Variants in LYRM4 observed in about 807,000 individuals in gnomAD.
LYRM4 encodes LYR motif containing 4.
LYRM4 carries 9 observed loss-of-function variants against 11.7 expected under a neutral mutation model. That is an observed-to-expected ratio of 0.77 (90% CI 0.46 to 1.34). The LOEUF is 1.34. Among genes scored for constraint, LYRM4 ranks in the 40% most tolerant of loss-of-function variants. The probability of loss-of-function intolerance (pLI) is 0.00; values close to 1 mark genes in which losing one functional copy is unlikely to be tolerated. For synonymous variants in LYRM4, 42 were observed against 40.4 expected, an observed-to-expected ratio of 1.04 and a Z score of -0.15; for missense variants, 133 against 112.5, an observed-to-expected ratio of 1.18 and a Z score of -0.82.
chr6:5,253,951 G>A (rs940190931), intron 1 of LYRM4, among the ~76,000 whole-genome samples: 4 of 152,118 alleles, frequency 2.6e-5, no homozygotes, highest in African/African-American at 4.8e-5. Flanking sequence ...GTGACAACTG[G>A]TGATGACCAG....
the LYRM4 span, among the ~76,000 whole-genome samples, chr6:5,098,224 T>A: frequency 6.6e-6 from 1 of 152,188 alleles, no homozygotes; most frequent in Non-Finnish European, 1.5e-5. Flanking sequence ...TCCACACATG[T>A]AAGGAAATGG....
chr6:5,234,881 C>T (rs1357488255), intron 1 of LYRM4, among the ~76,000 whole-genome samples: 3 of 152,148 alleles, frequency 2.0e-5, no homozygotes, highest in Non-Finnish European at 2.9e-5. Context: ...AAGCAAAATT[C>T]GGTTTCTACC....
At chr6:5,246,025 CTTCT>C (rs1168778663) in intron 1 of LYRM4, among the ~76,000 whole-genome samples, 1 of 152,136 alleles carries the variant, frequency 6.6e-6, no homozygotes, top group Non-Finnish European at 1.5e-5. Flanking sequence ...CCTTATTCTT[CTTCT>C]TTCCTTTAAA....
the LYRM4 span, chr6:5,054,400 C>G: frequency 6.5e-6 from 1 of 153,734 alleles, no homozygotes; most frequent in African/African-American, 2.4e-5. Flanking sequence ...AACTGTCCTG[C>G]TCCAGTGTGC....
the LYRM4 span, among the ~76,000 whole-genome samples, chr6:5,073,420 C>T: frequency 6.6e-6 from 1 of 150,488 alleles, no homozygotes; most frequent in Non-Finnish European, 1.5e-5. Context: ...TCTATCAGAG[C>T]TGCACCAGAG....
At chr6:5,118,094 A>ATATATATATTTTTTTT in intron 2 of LYRM4, among the ~76,000 whole-genome samples, 3,371 of 82,948 alleles carry the variant, frequency 0.041, 106 homozygotes, top group East Asian at 0.13. Flanking sequence ...ATATATATAT[A>ATATATATATTTTTTTT]TTTTTGTTTT....
At chr6:5,078,860 T>G in the LYRM4 span, among the ~76,000 whole-genome samples, 2 of 152,240 alleles carry the variant, frequency 1.3e-5, no homozygotes, top group Non-Finnish European at 2.9e-5. Context: ...TTAAGCAAGC[T>G]AATCTCTTTC....
chr6:5,100,973 C>A (rs1242737343), downstream of LYRM4, among the ~76,000 whole-genome samples: 2 of 152,204 alleles, frequency 1.3e-5, no homozygotes, highest in Non-Finnish European at 2.9e-5. Flanking sequence ...CTGCCAGCCC[C>A]TAGTCCCCTT....
chr6:5,046,534 A>G, the LYRM4 span, among the ~76,000 whole-genome samples: 4 of 152,266 alleles, frequency 2.6e-5, no homozygotes, highest in South Asian at 8.3e-4. Flanking sequence ...GACGTCCCAC[A>G]TGGCTTCTTT....
At chr6:5,087,179 T>C in the LYRM4 span, 1 of 152,220 alleles carries the variant, frequency 6.6e-6, no homozygotes, top group Non-Finnish European at 1.5e-5. Context: ...TGCGACATTG[T>C]GTACAAATGT....
At chr6:5,156,475 A>G (rs562723541) in intron 2 of LYRM4, among the ~76,000 whole-genome samples, 1 of 152,346 alleles carries the variant, frequency 6.6e-6, no homozygotes. Flanking sequence ...ATCCACTGGT[A>G]GCAGAAAGAA....
chr6:5,055,815 G>A, the LYRM4 span, among the ~76,000 whole-genome samples: 1 of 152,144 alleles, frequency 6.6e-6, no homozygotes, highest in Non-Finnish European at 1.5e-5. This position sits in a 1 kb window ranked among gnomAD's most constrained non-coding sequence, Gnocchi z 4.5. Flanking sequence ...GAGAGACAGG[G>A]CCAAAGGGAC....
chr6:5,061,050 C>T, the LYRM4 span, among the ~76,000 whole-genome samples: 2 of 152,160 alleles, frequency 1.3e-5, no homozygotes, highest in African/African-American at 4.8e-5. Context: ...GGCTCAGAAA[C>T]AGTTTATAGT....
At chr6:5,085,447 C>A in the LYRM4 span, 13 of 1,441,586 alleles carry the variant, frequency 9.0e-6, 1 homozygote, top group Admixed American at 8.6e-5. Flanking sequence ...TCCAGAGGGG[C>A]CCGGTTCGGC....
At chr6:5,066,235 C>A in the LYRM4 span, 1 of 725,310 alleles carries the variant, frequency 1.4e-6, no homozygotes, top group Non-Finnish European at 2.6e-6. Context: ...GATAACACTT[C>A]ATACATGATA....
At chr6:5,146,613 C>T (rs1371906623) in intron 2 of LYRM4, among the ~76,000 whole-genome samples, 1 of 152,114 alleles carries the variant, frequency 6.6e-6, no homozygotes, top group Non-Finnish European at 1.5e-5. Context: ...CCCAGCACAG[C>T]CCCCAGGCAT....
intron 1 of LYRM4, among the ~76,000 whole-genome samples, chr6:5,226,246 C>T (rs896654608): frequency 3.9e-5 from 6 of 152,072 alleles, no homozygotes; most frequent in Non-Finnish European, 5.9e-5. Context: ...AATATTCATC[C>T]ATGTGTTCCT....
intron 1 of LYRM4, among the ~76,000 whole-genome samples, chr6:5,234,921 C>A (rs1763451198): frequency 6.6e-6 from 1 of 152,130 alleles, no homozygotes; most frequent in Non-Finnish European, 1.5e-5. Flanking sequence ...TGTCCCCCTA[C>A]TCCCAAACCC....
the LYRM4 span, among the ~76,000 whole-genome samples, chr6:5,078,203 T>C: frequency 2.0e-5 from 3 of 151,766 alleles, no homozygotes; most frequent in Non-Finnish European, 4.4e-5. Flanking sequence ...TCCCCTTGGC[T>C]GTAAGAAGGT....
Sources: allele counts gnomAD v4.1 joint callset (sites outside exome capture counted in the v4.1 genomes callset), GRCh38; gene constraint gnomAD v4.1.1; non-coding constraint Gnocchi (gnomAD v3.1); transcripts MANE v1.5; gene names NCBI Gene and HGNC (gene_info 2026-07-23, HGNC 2026-07-21).